WDR97: variants seen among roughly 807,000 people sequenced by gnomAD.
WDR97 encodes WD repeat-containing protein 97.
Under a neutral mutation model 65.4 loss-of-function variants are expected in WDR97, and 111 were observed. The ratio of observed to expected loss-of-function variants is 1.70; its 90% CI spans 1.45 to 1.99. WDR97 has a LOEUF of 1.99. WDR97 is among the 30% of genes most tolerant of loss of function. The pLI, the probability that WDR97 is intolerant of heterozygous loss-of-function variation, is 0.00. For missense variants in WDR97, 1,674 were observed against 865.0 expected, an observed-to-expected ratio of 1.94 and a Z score of -11.73; for synonymous variants, 802 against 397.7, an observed-to-expected ratio of 2.02 and a Z score of -12.10.
Position 144,112,887 on chromosome 8 carries a change from GC to G in WDR97, c.3105+360del, listed in dbSNP as rs1836577990. The G allele has an allele frequency of 3.8e-5, 14 of 366,536 alleles. No homozygotes were observed. In the South Asian group the frequency reaches 6.1e-4, roughly 16 times the overall value. The allele number at this position is 366,536 out of a possible 1,614,324, so 22.7% of individuals were successfully genotyped here. ...CTTTTCCTGGAAGATCAGAATCCCT[GC>G]CCTTTAGAGGAGCAAAGTCAAGGGA... On this transcript the variant is annotated intron_variant, in intron 15 of 23. Transcript: ENST00000323662.
chr8:144,114,302 G>T lies in WDR97; in HGVS notation c.3619G>T (p.Glu1207Ter), dbSNP rs540903279. ...LQAYPEAGTI[E>*]GLASLLVALL... is the part of the protein sequence containing the mutation. ...GGCATACCCGGAGGCGGGCACGATC[G>T]AGGGCCTGGCCTCGCTGTTGGTGGC... The change falls in exon 19 of 24, where the codon GAG becomes TAG. Residue 1207 changes from glutamate (E) to a stop codon, truncating the protein, a stop_gained. Coordinates refer to ENST00000323662, the MANE Select transcript of WDR97 (RefSeq NM_001316309.2). LOFTEE classifies it high-confidence loss of function. 1.4e-6 allele frequency: 1 copy of T among 701,996 alleles called. No homozygotes were observed. The highest frequency in any genetic ancestry group is 2.6e-6 in the Non-Finnish European group (1 of 384,428). The allele number at this position is 701,996 out of a possible 1,614,324, so 43.5% of individuals were successfully genotyped here. A position where few individuals can be genotyped will look rare whatever the true frequency, so the allele number is the denominator to read the frequency against.
At position 144,111,747 on chromosome 8, in the gene WDR97, A is replaced by G. The variant is rs769273792; in HGVS notation, c.2603A>G (p.Asn868Ser). The change falls in exon 12 of 24, where the codon AAT becomes AGT. Residue 868 changes from asparagine to serine, a missense_variant. Transcript: ENST00000323662. Reference sequence around the variant, plus strand: ...CAGCAGCGCCAGGAAGGCTTTGACAATTACCTCCGTCTGATCTACGGCTCT... The same window carrying G: ...CAGCAGCGCCAGGAAGGCTTTGACAGTTACCTCCGTCTGATCTACGGCTCT... Reference protein sequence around the residue: ...SWQQRQEGFDNYLRLIYGSGL... With the variant: ...SWQQRQEGFDSYLRLIYGSGL... 2.3e-4 allele frequency: 156 copies of G among 691,108 alleles called. 1 individual carries two copies. Among genetic ancestry groups the G allele is most frequent in the African/African-American group, 3.0e-4 (17 of 56,820 alleles). The allele number at this position is 691,108 out of a possible 1,614,324, so 42.8% of individuals were successfully genotyped here. A position where few individuals can be genotyped will look rare whatever the true frequency, so the allele number is the denominator to read the frequency against.
rs1378526460 is a variant in WDR97, at chr8:144,114,890, G to A, written c.4056G>A (p.Glu1352=). ...GCACTTGCTGCCACCAGAAACTGGA[G>A]GACATGATCCAGGAGCTTCAGGTTG... ...GLRTCCHQKL[E]DMIQELQETP... Residue 1352 remains glutamate (E), a synonymous_variant, in exon 21 of 24, where the codon GAG becomes GAA. Coordinates refer to ENST00000323662, the MANE Select transcript of WDR97 (RefSeq NM_001316309.2). 16 of 700,462 alleles carry A rather than the reference G, an allele frequency of 2.3e-5. No individual in the cohort carries two copies. The highest frequency in any genetic ancestry group is 3.6e-5 in the Non-Finnish European group (14 of 384,176). 43.4% of individuals were successfully genotyped at this position (700,462 alleles called of 1,614,324 possible).
In WDR97 at chr8:144,113,761, G is replaced by A. The variant is rs1175378539; in HGVS notation, c.3288G>A (p.Glu1096=). The A allele has an allele frequency of 2.8e-6, 2 of 702,456 alleles. No individual in the cohort carries two copies. The highest frequency in any genetic ancestry group is 4.0e-5 in the Admixed American group (2 of 49,978). The allele number at this position is 702,456 out of a possible 1,614,324, so 43.5% of individuals were successfully genotyped here. Residue 1096 remains glutamate (E), a synonymous_variant, in exon 17 of 24, where the codon GAG becomes GAA. Transcript: ENST00000323662. ...GGATGGGGGAGAAGCCTGGGGAGGA[G>A]GGGGAGGAAGACAAGAAGGAAGAGG... ...LQWMGEKPGE[E]GEEDKKEEEE...
rs113533443 is a variant in WDR97 at position 144,111,136 on chromosome 8, C to T, written c.2340C>T (p.Asp780=). The part of the protein sequence containing the change: ...MCRKAPDVVD[D]PPLPLMSQES... ...GGAAGGCCCCAGACGTGGTGGACGA[C>T]CCTCCGCTGCCACTGATGAGCCAGG... Residue 780 remains aspartate, a synonymous_variant, in exon 10 of 24, where the codon GAC becomes GAT. Coordinates refer to ENST00000323662, the MANE Select transcript of WDR97 (RefSeq NM_001316309.2). The T allele has an allele frequency of 1.4e-6, 1 of 702,780 alleles. No individual in the cohort carries two copies. Among genetic ancestry groups the T allele is most frequent in the South Asian group, 1.5e-5 (1 of 67,604 alleles). The allele number at this position is 702,780 out of a possible 1,614,324, so 43.5% of individuals were successfully genotyped here.
rs775783615 is a variant in WDR97, at chr8:144,109,081, T to A, written c.911T>A (p.Val304Glu). ...TISDLAYCEE[V>E]EAMVTASRDS... Reference sequence around the variant, plus strand: ...TCGGACCTGGCTTACTGCGAGGAAGTAGAGGCAATGGTGACAGCTTCCCGG... The same window carrying A: ...TCGGACCTGGCTTACTGCGAGGAAGAAGAGGCAATGGTGACAGCTTCCCGG... Residue 304 changes from valine to glutamate, a missense_variant, in exon 4 of 24, where the codon GTA becomes GAA. Coordinates refer to ENST00000323662, the MANE Select transcript of WDR97 (RefSeq NM_001316309.2). The A allele has an allele frequency of 2.3e-5, 16 of 703,128 alleles. No homozygotes were observed. The South Asian group carries it at 2.4e-4, about 10-fold the overall frequency. The allele number at this position is 703,128 out of a possible 1,614,324, so 43.6% of individuals were successfully genotyped here.
At chr8:144,111,609 C>A in intron 11 of WDR97, 23 bp from the exon 12 acceptor site, 1 of 679,234 alleles carries the variant, frequency 1.5e-6, no homozygotes, top group Non-Finnish European at 2.7e-6. Context: ...GAAGAGCAGG[C>A]TGATCCCTGA....
chr8:144,114,581 C>T lies in WDR97; in HGVS notation c.3820C>T (p.Leu1274=). Reference sequence around the variant, plus strand: ...CCAGACACAGAAGAAGTTCGTGATACTGGCGCTGCAGCTGCTCCTGGCCTG... The same window carrying T: ...CCAGACACAGAAGAAGTTCGTGATATTGGCGCTGCAGCTGCTCCTGGCCTG... ...QDQTQKKFVI[L]ALQLLLACSL... The change falls in exon 20 of 24, where the codon CTG becomes TTG. Residue 1274 remains leucine, a synonymous_variant. Transcript: ENST00000323662. 1 of 702,912 alleles carries T rather than the reference C, an allele frequency of 1.4e-6. No homozygotes were observed. Among genetic ancestry groups the T allele is most frequent in the East Asian group, 2.7e-5 (1 of 37,296 alleles). The allele number at this position is 702,912 out of a possible 1,614,324, so 43.5% of individuals were successfully genotyped here. A position where few individuals can be genotyped will look rare whatever the true frequency, so the allele number is the denominator to read the frequency against.
intron 1 of WDR97, 72 bp downstream of exon 1, chr8:144,107,934 C>T (rs1587621205): frequency 2.8e-6 from 2 of 701,980 alleles, no homozygotes; most frequent in East Asian, 2.7e-5. Context: ...GGGTTCCGTC[C>T]CCTGGAACAA....
intron 15 of WDR97, 39 bp from the exon 16 acceptor site, chr8:144,113,401 A>G (rs769721960): frequency 1.4e-6 from 1 of 701,226 alleles, no homozygotes; most frequent in Non-Finnish European, 2.6e-6. Flanking sequence ...AGGCTGGGGA[A>G]TCCAGGTCCT....
intron 8 of WDR97, 21 bp from the exon 9 acceptor site, chr8:144,110,843 C>T (rs1003273785): frequency 1.4e-6 from 1 of 702,670 alleles, no homozygotes; most frequent in Non-Finnish European, 2.6e-6. Flanking sequence ...TGAGCCTCGG[C>T]TGCCCTGGGT....
chr8:144,113,097 C>T, intron 15 of WDR97: 1 of 441,008 alleles, frequency 2.3e-6, no homozygotes, highest in South Asian at 3.2e-5. Flanking sequence ...TTCCTTCCTC[C>T]CTGGCCCCTG....
intron 2 of WDR97, 31 bp downstream of exon 2, chr8:144,108,226 C>G (rs775283202): frequency 2.8e-4 from 198 of 696,272 alleles, no homozygotes; most frequent in Non-Finnish European, 2.9e-4. Flanking sequence ...GCCTCCTGGC[C>G]TCTTTCCGGA....
intron 21 of WDR97, 47 bp downstream of exon 21, chr8:144,114,958 C>T (rs1469889298): frequency 3.1e-6 from 2 of 641,408 alleles, no homozygotes; most frequent in Non-Finnish European, 2.8e-6. Context: ...CTGTTGCCTT[C>T]TCTGGCTTTC....
rs1426377742 is a variant in WDR97, at chr8:144,116,269, C to A, written c.4845C>A (p.Asp1615Glu). The change falls in exon 24 of 24, where the codon GAC becomes GAA. Residue 1615 changes from aspartate to glutamate, a missense_variant. Coordinates refer to ENST00000323662, the MANE Select transcript of WDR97 (RefSeq NM_001316309.2). Reference protein sequence around the residue: ...PALQRYFLPADADPDTYS With the variant: ...PALQRYFLPAEADPDTYS ...TGCAGCGCTACTTTCTGCCAGCGGA[C>A]GCGGACCCTGACACCTACAGCTGAC... is the stretch of plus-strand genomic sequence containing the variant. The A allele has an allele frequency of 3.0e-6, 2 of 655,982 alleles. No individual in the cohort carries two copies. Among genetic ancestry groups the A allele is most frequent in the Non-Finnish European group, 5.5e-6 (2 of 360,824 alleles). The allele number at this position is 655,982 out of a possible 1,614,324, so 40.6% of individuals were successfully genotyped here.
Position 144,115,862 on chromosome 8 carries a change from CGCGGGGCCTGCGCCG to C in WDR97, c.4595+17_4595+31del, listed in dbSNP as rs752132823. On this transcript the variant is annotated splice_donor_5th_base_variant and intron_variant, in intron 22 of 23. Transcript: ENST00000323662. ...TGCCACCTCCGCGGGAGCACTGGTG[CGCGGGGCCTGCGCCG>C]GCGGGGCCTGCGTGGGGCAGCCAAG... 2.0e-5 allele frequency: 14 copies of C among 693,490 alleles called. No homozygotes were observed. The highest frequency in any genetic ancestry group is 5.3e-5 in the African/African-American group (3 of 57,006). The allele number at this position is 693,490 out of a possible 1,614,324, so 43.0% of individuals were successfully genotyped here. A position where few individuals can be genotyped will look rare whatever the true frequency, so the allele number is the denominator to read the frequency against.
rs998377320 is a variant in WDR97, at chr8:144,115,629, G to A, written c.4366G>A (p.Ala1456Thr). 2.9e-6 allele frequency: 2 copies of A among 689,490 alleles called. No individual in the cohort carries two copies. Among genetic ancestry groups the A allele is most frequent in the Non-Finnish European group, 5.3e-6 (2 of 377,688 alleles). 42.7% of individuals were successfully genotyped at this position (689,490 alleles called of 1,614,324 possible). ...GGAGCCCGAGGCCCGCCTGCACCCTGCCGGGCCTGCTCAGCTGCCCGGAGA... is the reference window on the plus strand; with the variant it reads ...GGAGCCCGAGGCCCGCCTGCACCCTACCGGGCCTGCTCAGCTGCCCGGAGA... ...CLEPEARLHP[A>T]GPAQLPGEPP... Residue 1456 changes from alanine to threonine, a missense_variant, in exon 22 of 24, where the codon GCC becomes ACC. By Grantham distance (58) the Ala-to-Thr change is moderately conservative. Coordinates refer to ENST00000323662, the MANE Select transcript of WDR97 (RefSeq NM_001316309.2).
In WDR97 at chr8:144,111,431, C is replaced by T; in HGVS notation, c.2432C>T (p.Ala811Val). The T allele has an allele frequency of 1.4e-6, 1 of 702,786 alleles. No individual in the cohort carries two copies. The highest frequency in any genetic ancestry group is 2.6e-6 in the Non-Finnish European group (1 of 384,956). The allele number at this position is 702,786 out of a possible 1,614,324, so 43.5% of individuals were successfully genotyped here. ...NLHGAASLSE[A>V]LSLIHRRRAT... is the part of the protein sequence containing the mutation. ...GTGCCTGTCCCTGTTTGCAGCGAGG[C>T]CTTGTCTCTCATCCATCGTCGGAGG... The change falls in exon 11 of 24, where the codon GCC becomes GTC. Residue 811 changes from alanine to valine, a missense_variant. Coordinates refer to ENST00000323662, the MANE Select transcript of WDR97 (RefSeq NM_001316309.2).
rs189248906 is a variant in WDR97, at chr8:144,116,469, A to G, written c.*176A>G. On this transcript the variant is annotated 3_prime_UTR_variant, in exon 24 of 24. Transcript: ENST00000323662. ...GGCCTGAACCCACAGTGGCGGCGGA[A>G]GGCAGGAGCCGGAGGCCTGGCGGAG... 3.3e-4 allele frequency: 164 copies of G among 499,218 alleles called. 2 individuals carry two copies. In the East Asian group the frequency reaches 5.2e-3, roughly 16 times the overall value. 30.9% of individuals were successfully genotyped at this position (499,218 alleles called of 1,614,324 possible).
Sources: allele counts gnomAD v4.1 joint callset, GRCh38; gene constraint gnomAD v4.1.1; transcripts MANE v1.5; gene names NCBI Gene and HGNC (gene_info 2026-07-23, HGNC 2026-07-21).